Variants in CFTR observed in about 807,000 individuals in gnomAD.
The protein encoded by CFTR is CF transmembrane conductance regulator, also known as cystic fibrosis transmembrane conductance regulator.
In CFTR, 181 loss-of-function variants were observed where a neutral mutation model predicts 171.6. The observed-to-expected ratio is 1.05, with a 90% CI of 0.93 to 1.19. The LOEUF (loss-of-function observed/expected upper bound fraction) is 1.19, where lower values mean the gene tolerates loss of function less well. CFTR is among the 50% of genes most tolerant of loss of function. The pLI is 0.00. For missense variants in CFTR, 1,968 were observed against 1,734.7 expected, an observed-to-expected ratio of 1.13 and a Z score of -2.39; for synonymous variants, 583 against 608.0, an observed-to-expected ratio of 0.96 and a Z score of 0.60.
In CFTR at chr7:117,620,625, A is replaced by G. The variant is rs151041206; in HGVS notation, c.3468+5912A>G. Among the ~76,000 whole-genome samples the G allele has an allele frequency of 2.6e-3, 399 of 152,320 alleles. 4 individuals are homozygous for G. The highest frequency in any genetic ancestry group is 9.0e-3 in the African/African-American group (376 of 41,580). ...CTTGAATTAGTAGAAGAGGTTTAATAAGAACCCTAAGGGATTGCTAGAATG... is the reference window on the plus strand; with the variant it reads ...CTTGAATTAGTAGAAGAGGTTTAATGAGAACCCTAAGGGATTGCTAGAATG... On this transcript the variant is annotated intron_variant, in intron 21 of 26. Transcript: ENST00000003084.
chr7:117,504,286 A>G lies in CFTR; in HGVS notation c.87A>G (p.Arg29=). The change falls in exon 2 of 27, where the codon AGA becomes AGG. Residue 29 remains arginine, a synonymous_variant. Transcript: ENST00000003084. The part of the protein sequence containing the change: ...WTRPILRKGY[R]QRLELSDIYQ... ...GACCAATTTTGAGGAAAGGATACAG[A>G]CAGCGCCTGGAATTGTCAGACATAT... 1 of 1,612,302 alleles carries G rather than the reference A, an allele frequency of 6.2e-7. No homozygotes were observed. Among genetic ancestry groups the G allele is most frequent in the South Asian group, 1.1e-5 (1 of 91,026 alleles).
At chr7:117,586,782 T>C (rs1791940923) in intron 11 of CFTR, among the ~76,000 whole-genome samples, 1 of 151,996 alleles carries the variant, frequency 6.6e-6, no homozygotes, top group African/African-American at 2.4e-5. Context: ...GACTTTTTTT[T>C]TTTTAAGGCG....
intron 20 of CFTR, among the ~76,000 whole-genome samples, chr7:117,612,676 A>G (rs928295701): frequency 1.3e-5 from 2 of 152,098 alleles, no homozygotes; most frequent in East Asian, 1.9e-4. Flanking sequence ...GAAAGCAGGC[A>G]TTTGCTGGAG....
chr7:117,531,286 A>C (rs1200595895), intron 4 of CFTR, among the ~76,000 whole-genome samples, 172 bp downstream of exon 4: 1 of 152,162 alleles, frequency 6.6e-6, no homozygotes, highest in Non-Finnish European at 1.5e-5. Flanking sequence ...ATCCTTGATA[A>C]TTTAATTGAC....
intron 11 of CFTR, among the ~76,000 whole-genome samples, chr7:117,562,902 G>T (rs994265497): frequency 6.6e-6 from 1 of 152,134 alleles, no homozygotes; most frequent in African/African-American, 2.4e-5. Flanking sequence ...TACTTGGTTG[G>T]TGCAGGGTAT....
chr7:117,534,434 T>G, intron 5 of CFTR, 69 bp downstream of exon 5: 1 of 864,388 alleles, frequency 1.2e-6, no homozygotes, highest in Non-Finnish European at 2.0e-6. Flanking sequence ...AGGCGGAGTT[T>G]TCCTGGGTCA....
intron 1 of CFTR, among the ~76,000 whole-genome samples, chr7:117,493,359 GA>G (rs556683713): frequency 5.3e-4 from 81 of 151,834 alleles, no homozygotes; most frequent in African/African-American, 1.7e-3. Context: ...TTGCTTTTAT[GA>G]AAAAAAAGAT....
At chr7:117,548,868 A>G (rs1183749399) in intron 10 of CFTR, 45 bp downstream of exon 10, 2 of 1,572,174 alleles carry the variant, frequency 1.3e-6, no homozygotes, top group Non-Finnish European at 8.6e-7. Context: ...TTTGGTGTCC[A>G]TGTCTCTTTT....
intron 7 of CFTR, among the ~76,000 whole-genome samples, chr7:117,539,370 G>A (rs1799009149): frequency 1.3e-5 from 2 of 151,898 alleles, no homozygotes; most frequent in Admixed American, 1.3e-4. Context: ...AGTATCTACT[G>A]TCATAATTTT....
intron 1 of CFTR, among the ~76,000 whole-genome samples, chr7:117,496,764 G>A (rs932159255): frequency 3.3e-5 from 5 of 152,136 alleles, no homozygotes; most frequent in Admixed American, 6.6e-5. Flanking sequence ...GTTTTCCAAA[G>A]TGGCTGCATC....
chr7:117,506,269 C>G (rs1423147190), intron 2 of CFTR, among the ~76,000 whole-genome samples: 1 of 152,106 alleles, frequency 6.6e-6, no homozygotes, highest in Non-Finnish European at 1.5e-5. Context: ...GTTTTTGAGA[C>G]AGAGTCTTGC....
At chr7:117,546,199 G>A (rs1799144715) in intron 9 of CFTR, among the ~76,000 whole-genome samples, 2 of 151,872 alleles carry the variant, frequency 1.3e-5, no homozygotes, top group South Asian at 4.2e-4. Context: ...TCACCATCTT[G>A]GCCAGGCTTG....
At chr7:117,655,797 A>G (rs1020578363) in intron 24 of CFTR, among the ~76,000 whole-genome samples, 1 of 152,184 alleles carries the variant, frequency 6.6e-6, no homozygotes, top group African/African-American at 2.4e-5. Context: ...TGGGAAGTTC[A>G]AAATCTGGTG....
At position 117,587,838 on chromosome 7, in the gene CFTR, A is replaced by G. The variant is rs397508264; in HGVS notation, c.1679+5A>G. 1 of 1,514,968 alleles carries G rather than the reference A, an allele frequency of 6.6e-7. No homozygotes were observed. The allele number at this position is 1,514,968 out of a possible 1,614,324, so 93.8% of individuals were successfully genotyped here. On this transcript the variant is annotated splice_donor_5th_base_variant and intron_variant, in intron 12 of 26. Coordinates refer to ENST00000003084, the MANE Select transcript of CFTR (RefSeq NM_000492.4). Reference sequence around the variant, plus strand: ...AGCAAGAATTTCTTTAGCAAGGTGAATAACTAATTATTGGTCTAGCAAGCA... The same window carrying G: ...AGCAAGAATTTCTTTAGCAAGGTGAGTAACTAATTATTGGTCTAGCAAGCA...
chr7:117,480,559 T>G (rs1312812871), intron 1 of CFTR, among the ~76,000 whole-genome samples: 1 of 152,188 alleles, frequency 6.6e-6, no homozygotes, highest in Non-Finnish European at 1.5e-5. Flanking sequence ...ATATAGTAAG[T>G]GCTCAGAAAA....
chr7:117,501,747 C>CAAAAAAAAAAAAAAAAAAAAAAAAAAA (rs1212853305), intron 1 of CFTR, among the ~76,000 whole-genome samples: 44 of 43,882 alleles, frequency 1.0e-3, no homozygotes, highest in Middle Eastern at 0.033. Context: ...AACTCTGTCT[C>CAAAAAAAAAAAAAAAAAAAAAAAAAAA]AAAAAAAAAA....
intron 7 of CFTR, among the ~76,000 whole-genome samples, chr7:117,537,366 T>C (rs1798975132): frequency 6.6e-6 from 1 of 151,956 alleles, no homozygotes; most frequent in Non-Finnish European, 1.5e-5. Context: ...TTGGGCAAAA[T>C]ATAAACTACA....
At chr7:117,566,135 C>G (rs2115958880) in intron 11 of CFTR, among the ~76,000 whole-genome samples, 1 of 152,112 alleles carries the variant, frequency 6.6e-6, no homozygotes, top group Non-Finnish European at 1.5e-5. Flanking sequence ...TAATGGACAT[C>G]TGAAACAGGT....
At chr7:117,538,566 A>C (rs749577742) in intron 7 of CFTR, among the ~76,000 whole-genome samples, 1 of 152,218 alleles carries the variant, frequency 6.6e-6, no homozygotes, top group Non-Finnish European at 1.5e-5. Flanking sequence ...CATTTTATAA[A>C]TACCAGCCTA....
Sources: gnomAD v4.1 joint callset for allele counts (sites outside exome capture counted in the v4.1 genomes callset) on GRCh38, gnomAD v4.1.1 for gene constraint, MANE v1.5 for transcripts, NCBI Gene and HGNC (gene_info 2026-07-23, HGNC 2026-07-21) for gene names.